The following SCFD2 variants were observed in gnomAD, a reference collection of about 807,000 sequenced individuals.
The protein encoded by SCFD2 is sec1 family domain-containing protein 2.
In SCFD2, 54 loss-of-function variants were observed where a neutral mutation model predicts 58.9. The ratio of observed to expected loss-of-function variants is 0.92; its 90% CI spans 0.74 to 1.15. The LOEUF is 1.15. Ranked by LOEUF, SCFD2 falls within the 50% of genes most tolerant of loss-of-function variation. SCFD2 has a pLI of 0.00. For missense variants in SCFD2, 805 were observed against 836.6 expected, an observed-to-expected ratio of 0.96 and a Z score of 0.47; for synonymous variants, 321 against 335.9, an observed-to-expected ratio of 0.96 and a Z score of 0.49.
intron 3 of SCFD2, among the ~76,000 whole-genome samples, chr4:53,297,853 G>A (rs920626995): frequency 6.6e-6 from 1 of 152,138 alleles, no homozygotes; most frequent in African/African-American, 2.4e-5. Context: ...AGGCCTGTTG[G>A]TGACAAAATC....
In SCFD2 at chr4:53,247,867, CAAA is replaced by C. The variant is rs35585900; in HGVS notation, c.1311+25956_1311+25958del. Among the ~76,000 whole-genome samples, 181 of 54,498 alleles carry C rather than the reference CAAA, an allele frequency of 3.3e-3. 1 individual carries two copies. The highest frequency in any genetic ancestry group is 0.011 in the African/African-American group (172 of 16,020). 35.8% of individuals were successfully genotyped at this position (54,498 alleles called of 152,430 possible). ...TGGGCAACAGAGCGAGACTCCGTCT[CAAA>C]AAAAAAAAAAAAAAAAAAAAAAATA... On this transcript the variant is annotated intron_variant, in intron 4 of 8. Coordinates refer to ENST00000401642, the MANE Select transcript of SCFD2 (RefSeq NM_152540.4).
At chr4:53,010,635 T>G (rs1560509013) in intron 5 of SCFD2, among the ~76,000 whole-genome samples, 4 of 152,196 alleles carry the variant, frequency 2.6e-5, no homozygotes, top group Non-Finnish European at 1.5e-5. Context: ...TAAACTTTTC[T>G]GAAACGAATA....
Position 53,365,496 on chromosome 4 carries a change from T to C in SCFD2, c.446A>G (p.Tyr149Cys). ...CGGGACATGGAACACCTCGGCCGTG[T>C]AGTTCATGTTGCCCATCCATTCACA... is the stretch of plus-strand genomic sequence containing the variant. ...KLCEWMGNMN[Y>C]TAEVFHVPLL... Residue 149 changes from tyrosine to cysteine, a missense_variant, in exon 1 of 9, where the codon TAC becomes TGC. By Grantham distance (194) the Tyr-to-Cys change is radical (BLOSUM62 -2). Around this residue, in one of 3 missense-constraint regions of SCFD2, gnomAD observed 633 missense variants for 646.8 expected, o/e 0.98. Coordinates refer to ENST00000401642, the MANE Select transcript of SCFD2 (RefSeq NM_152540.4). The surrounding 1 kb of genome is among the most constrained non-coding windows in gnomAD (Gnocchi z 4.3). The C allele has an allele frequency of 6.2e-7, 1 of 1,614,208 alleles. No homozygotes were observed. The highest frequency in any genetic ancestry group is 8.5e-7 in the Non-Finnish European group (1 of 1,180,042).
chr4:53,197,051 C>G (rs1728080002), intron 4 of SCFD2, among the ~76,000 whole-genome samples: 1 of 152,056 alleles, frequency 6.6e-6, no homozygotes, highest in Non-Finnish European at 1.5e-5. Flanking sequence ...TTCCTTGAAA[C>G]CAACACTAAT....
intron 2 of SCFD2, among the ~76,000 whole-genome samples, chr4:53,319,286 A>G (rs771770771): frequency 6.6e-5 from 10 of 152,168 alleles, no homozygotes; most frequent in Non-Finnish European, 1.5e-4. Context: ...TTGTGGGTCA[A>G]AATTAGCCAT....
intron 5 of SCFD2, among the ~76,000 whole-genome samples, chr4:53,019,152 T>A (rs1722285835): frequency 6.6e-6 from 1 of 152,136 alleles, no homozygotes; most frequent in South Asian, 2.1e-4. Context: ...CCTAAGGAAG[T>A]AATCAAAGAT....
At chr4:52,972,637 G>T (rs551313063) in intron 5 of SCFD2, among the ~76,000 whole-genome samples, 1 of 152,150 alleles carries the variant, frequency 6.6e-6, no homozygotes, top group African/African-American at 2.4e-5. Context: ...GGATATCCAA[G>T]AATTGAACTC....
At chr4:53,055,361 C>T (rs749621447) in intron 5 of SCFD2, among the ~76,000 whole-genome samples, 2 of 152,078 alleles carry the variant, frequency 1.3e-5, no homozygotes, top group African/African-American at 2.4e-5. Flanking sequence ...TAATGGTGGA[C>T]GACAGGCAGA....
chr4:53,085,984 A>G (rs1724294386), intron 5 of SCFD2, among the ~76,000 whole-genome samples: 1 of 152,178 alleles, frequency 6.6e-6, no homozygotes, highest in South Asian at 2.1e-4. Context: ...TTGGGCAAAA[A>G]TTTCTGGAGT....
intron 4 of SCFD2, among the ~76,000 whole-genome samples, chr4:53,224,613 C>G (rs1729147699): frequency 6.6e-6 from 1 of 152,110 alleles, no homozygotes; most frequent in South Asian, 2.1e-4. Context: ...TGAATAGCCC[C>G]CAAATAACCT....
intron 5 of SCFD2, among the ~76,000 whole-genome samples, chr4:53,090,515 G>T (rs1428937151): frequency 6.6e-6 from 1 of 152,166 alleles, no homozygotes; most frequent in East Asian, 1.9e-4. Context: ...TGTGAAGAGA[G>T]AGTACAAGAA....
At chr4:53,361,095 C>T (rs1734536674) in intron 1 of SCFD2, among the ~76,000 whole-genome samples, 1 of 152,200 alleles carries the variant, frequency 6.6e-6, no homozygotes. Flanking sequence ...TTCATTCACC[C>T]TGGAAGACCA....
At chr4:53,213,795 T>C (rs1728705516) in intron 4 of SCFD2, among the ~76,000 whole-genome samples, 2 of 152,064 alleles carry the variant, frequency 1.3e-5, no homozygotes, top group African/African-American at 4.8e-5. Context: ...CCTCATTCTA[T>C]CCCTCCCTCC....
chr4:53,179,155 C>A (rs915503838), intron 4 of SCFD2, among the ~76,000 whole-genome samples: 5 of 152,164 alleles, frequency 3.3e-5, no homozygotes, highest in African/African-American at 1.2e-4. Context: ...GAAAACACCA[C>A]AAAGATACTC....
chr4:53,337,507 G>A (rs575205706), intron 2 of SCFD2, among the ~76,000 whole-genome samples: 9 of 152,176 alleles, frequency 5.9e-5, no homozygotes, highest in Non-Finnish European at 1.3e-4. Context: ...GAACTCATAT[G>A]TATTGCTGGT....
At chr4:53,258,538 G>GTATATATATATATATATATA (rs59321045) in intron 4 of SCFD2, among the ~76,000 whole-genome samples, 69 of 119,874 alleles carry the variant, frequency 5.8e-4, no homozygotes, top group Non-Finnish European at 8.0e-4. Context: ...TGGTGTGTGT[G>GTATATATATATATATATATA]TATATATATA....
At chr4:53,191,532 G>A (rs759698977) in intron 4 of SCFD2, among the ~76,000 whole-genome samples, 93 of 151,832 alleles carry the variant, frequency 6.1e-4, no homozygotes, top group African/African-American at 2.1e-3. Context: ...TCAGCCTCCC[G>A]AGTAGCTGGG....
chr4:52,969,334 C>T (rs1322034045), intron 5 of SCFD2, among the ~76,000 whole-genome samples: 1 of 152,150 alleles, frequency 6.6e-6, no homozygotes, highest in Non-Finnish European at 1.5e-5. Context: ...TAATTTTTAA[C>T]AACATGTTTT....
chr4:53,141,449 A>AAAAAC (rs931589183), intron 5 of SCFD2, among the ~76,000 whole-genome samples: 1 of 152,316 alleles, frequency 6.6e-6, no homozygotes, highest in East Asian at 1.9e-4. Flanking sequence ...GAGACAGGAA[A>AAAAAC]AAAACAAAAC....
Sources: gnomAD v4.1 joint callset for allele counts (sites outside exome capture counted in the v4.1 genomes callset) on GRCh38, gnomAD v4.1.1 for gene constraint, gnomAD v4.1.1 regional missense constraint, Gnocchi (gnomAD v3.1) non-coding constraint, MANE v1.5 for transcripts, NCBI Gene and HGNC (gene_info 2026-07-23, HGNC 2026-07-21) for gene names.